The following RSBN1 variants were observed in gnomAD, a reference collection of about 807,000 sequenced individuals.
The protein encoded by RSBN1 is lysine-specific demethylase 9.
RSBN1 carries 23 observed loss-of-function variants against 74.8 expected under a neutral mutation model. The observed-to-expected ratio is 0.31, with a 90% CI of 0.22 to 0.44. The LOEUF is 0.44. Ranked by LOEUF, RSBN1 falls within the 20% of genes least tolerant of loss-of-function variation. The probability of loss-of-function intolerance (pLI) is 1.00; values close to 1 mark genes in which losing one functional copy is unlikely to be tolerated. For synonymous variants in RSBN1, 407 were observed against 379.6 expected, an observed-to-expected ratio of 1.07 and a Z score of -0.84; for missense variants, 808 against 1,020.9, an observed-to-expected ratio of 0.79 and a Z score of 2.84.
At chr1:113,810,267 G>A (rs887758541) in intron 1 of RSBN1, among the ~76,000 whole-genome samples, 6 of 152,098 alleles carry the variant, frequency 3.9e-5, no homozygotes, top group Admixed American at 2.6e-4. Context: ...CACTTCATGC[G>A]AATTAACTGT....
In RSBN1 at chr1:113,765,631, A is replaced by T. The variant is rs1659763239; in HGVS notation, c.*349T>A. 2 of 197,310 alleles carry T rather than the reference A, an allele frequency of 1.0e-5. No homozygotes were observed. Among genetic ancestry groups the T allele is most frequent in the Admixed American group, 1.0e-4 (2 of 19,098 alleles). The allele number at this position is 197,310 out of a possible 1,614,324, so 12.2% of individuals were successfully genotyped here. On this transcript the variant is annotated 3_prime_UTR_variant, in exon 7 of 7. Transcript: ENST00000261441. ...ATAAAAACAGCAAATATGGCAAGAG[A>T]CAAGGCAAGATAAAATTAAGGGAAG... is the stretch of plus-strand genomic sequence containing the variant.
chr1:113,798,770 T>G (rs573440986), intron 1 of RSBN1, among the ~76,000 whole-genome samples: 7 of 152,328 alleles, frequency 4.6e-5, no homozygotes, highest in African/African-American at 1.4e-4. Flanking sequence ...CAGGGAATGC[T>G]CCTAAATGTC....
intron 2 of RSBN1, 136 bp downstream of exon 2, chr1:113,797,227 G>T: frequency 1.4e-6 from 1 of 717,478 alleles, no homozygotes; most frequent in Non-Finnish European, 2.3e-6. Flanking sequence ...ATTAGAGGAA[G>T]AGACAAACAA....
chr1:113,805,877 CT>C (rs780721227), intron 1 of RSBN1, among the ~76,000 whole-genome samples: 121 of 152,286 alleles, frequency 7.9e-4, no homozygotes, highest in Non-Finnish European at 1.0e-3. Flanking sequence ...CTTTGCAGGT[CT>C]TATGGTCTCT....
At chr1:113,811,157 G>A (rs1660834154) in intron 1 of RSBN1, among the ~76,000 whole-genome samples, 1 of 152,156 alleles carries the variant, frequency 6.6e-6, no homozygotes, top group Non-Finnish European at 1.5e-5. Flanking sequence ...TAGCTAATAT[G>A]AAAACTTTAA....
In RSBN1 at chr1:113,764,615, A is replaced by AT. The variant is rs533547691; in HGVS notation, c.*1364dup. On this transcript the variant is annotated 3_prime_UTR_variant, in exon 7 of 7. Transcript: ENST00000261441. Reference sequence around the variant, plus strand: ...CAGACATAATAAAGCAGCATCTTGTATTTTTTTTTTTTTTTGCCTATGTTA... The same window carrying AT: ...CAGACATAATAAAGCAGCATCTTGTATTTTTTTTTTTTTTTTGCCTATGTTA... 39,235 of 132,970 alleles carry AT rather than the reference A, an allele frequency of 0.3. 5,916 individuals are homozygous for AT. Among genetic ancestry groups the AT allele is most frequent in the African/African-American group, 0.38 (13,760 of 36,550 alleles). 8.2% of individuals were successfully genotyped at this position (132,970 alleles called of 1,614,324 possible). A position where few individuals can be genotyped will look rare whatever the true frequency, so the allele number is the denominator to read the frequency against.
rs1660498340 is a variant in RSBN1, at chr1:113,797,686, T to C, written c.1054A>G (p.Thr352Ala). Residue 352 changes from threonine (T) to alanine (A), a missense_variant, in exon 2 of 7, where the codon ACA (threonine) becomes GCA (alanine). By Grantham distance (58) the Thr-to-Ala change is moderately conservative (BLOSUM62 0). Around this residue, in one of 6 missense-constraint regions of RSBN1, gnomAD observed 85 missense variants for 126.2 expected, o/e 0.67. Coordinates refer to ENST00000261441, the MANE Select transcript of RSBN1 (RefSeq NM_018364.5). ...ATAAAGTTGCTAAATTTAGTACCTG[T>C]TTTTAAGAAATTTCTACGAATAGAA... ...EHSIRRNFLK[T>A]GTKFSNFIHE... 1.9e-6 allele frequency: 3 copies of C among 1,614,110 alleles called. No homozygotes were observed. Among genetic ancestry groups the C allele is most frequent in the East Asian group, 4.5e-5 (2 of 44,884 alleles).
chr1:113,803,657 G>A lies in RSBN1; in HGVS notation c.704-5621C>T, dbSNP rs573429498. 1.8e-4 allele frequency among the ~76,000 whole-genome samples: 27 copies of A among 152,240 alleles called. 1 individual carries two copies. The highest frequency in any genetic ancestry group is 2.1e-4 in the South Asian group (1 of 4,820). The stretch of plus-strand genomic sequence containing the variant: ...ATAACTACTATTATTGCCAAAAACA[G>A]TTGAATTCTAGAGGCAGTAGAGTGT... On this transcript the variant is annotated intron_variant, in intron 1 of 6. Transcript: ENST00000261441.
chr1:113,767,935 C>G (rs891241968), intron 5 of RSBN1: 2 of 240,266 alleles, frequency 8.3e-6, no homozygotes, highest in Non-Finnish European at 1.6e-5. Context: ...TTCATAGAAA[C>G]AAAGTAGAAT....
At chr1:113,777,589 A>T in intron 3 of RSBN1, 82 bp downstream of exon 3, 1 of 1,299,080 alleles carries the variant, frequency 7.7e-7, no homozygotes, top group Non-Finnish European at 1.1e-6. Context: ...TTCAATAGGC[A>T]ATATTAGCTA....
intron 2 of RSBN1, among the ~76,000 whole-genome samples, chr1:113,787,602 A>G (rs1410940538): frequency 6.6e-6 from 1 of 152,176 alleles, no homozygotes; most frequent in Non-Finnish European, 1.5e-5. Flanking sequence ...CAAGGATACA[A>G]GGCACAAGCA....
chr1:113,761,903 T>C lies in RSBN1; in HGVS notation c.*4077A>G, dbSNP rs1180364409. On this transcript the variant is annotated 3_prime_UTR_variant, in exon 7 of 7. Transcript: ENST00000261441. ...AAAAAAAAAACTATGCATTCCATTG[T>C]CCTATTTTACAAAGAAATAGCTTAA... 1 of 152,668 alleles carries C rather than the reference T, an allele frequency of 6.6e-6. No individual in the cohort carries two copies. The highest frequency in any genetic ancestry group is 1.5e-5 in the Non-Finnish European group (1 of 68,002). 9.5% of individuals were successfully genotyped at this position (152,668 alleles called of 1,614,324 possible). A position where few individuals can be genotyped will look rare whatever the true frequency, so the allele number is the denominator to read the frequency against.
rs145584849 is a variant in RSBN1, at chr1:113,796,651, T to C, written c.1377+712A>G. Among the ~76,000 whole-genome samples, 48 of 152,306 alleles carry C rather than the reference T, an allele frequency of 3.2e-4. 1 individual carries two copies. The highest frequency in any genetic ancestry group is 1.2e-4 in the Non-Finnish European group (8 of 68,024). ...ACTGCAGAAACTTATAGCTGACCAT[T>C]TATATTCAATTCTTACGAGAAAAGC... On this transcript the variant is annotated intron_variant, in intron 2 of 6. Coordinates refer to ENST00000261441, the MANE Select transcript of RSBN1 (RefSeq NM_018364.5).
intron 2 of RSBN1, among the ~76,000 whole-genome samples, chr1:113,786,584 T>C (rs1660248358): frequency 6.6e-6 from 1 of 152,150 alleles, no homozygotes; most frequent in Non-Finnish European, 1.5e-5. Flanking sequence ...AGCTAGGAAA[T>C]GTAAGACACA....
chr1:113,770,613 T>C (rs905407170), intron 4 of RSBN1, among the ~76,000 whole-genome samples: 12 of 152,224 alleles, frequency 7.9e-5, no homozygotes, highest in African/African-American at 2.7e-4. Context: ...TCCATTTCTA[T>C]GCCTGTTCAC....
Position 113,812,248 on chromosome 1 carries a change from C to A in RSBN1, c.165G>T (p.Ala55=), listed in dbSNP as rs1228373118. ...CCGCCACCGCCCGTACTACGCGCAC[C>A]GCTCCGACCTGCGCAGCCATTTCAC... ...FVGEMAAQVG[A]VRVVRAVAAQ... is the part of the protein sequence containing the mutation. Residue 55 remains alanine (A), a synonymous_variant, in exon 1 of 7, where the codon GCG becomes GCT. Coordinates refer to ENST00000261441, the MANE Select transcript of RSBN1 (RefSeq NM_018364.5). The A allele has an allele frequency of 6.2e-7, 1 of 1,606,290 alleles. No homozygotes were observed. The highest frequency in any genetic ancestry group is 8.5e-7 in the Non-Finnish European group (1 of 1,179,862).
chr1:113,771,920 A>G (rs541831379), intron 4 of RSBN1, among the ~76,000 whole-genome samples: 131 of 151,956 alleles, frequency 8.6e-4, no homozygotes, highest in Middle Eastern at 6.8e-3. Flanking sequence ...CAGGAAAAAC[A>G]AGACTTTTTT....
In RSBN1 at chr1:113,763,731, G is replaced by C. The variant is rs891100352; in HGVS notation, c.*2249C>G. ...TTTAATGTGTTTATATTGGAGGTGA[G>C]GGTAGAATGTTTTATAAAAGGAAAA... On this transcript the variant is annotated 3_prime_UTR_variant, in exon 7 of 7. Coordinates refer to ENST00000261441, the MANE Select transcript of RSBN1 (RefSeq NM_018364.5). 6.8e-6 allele frequency: 1 copy of C among 147,488 alleles called. No homozygotes were observed. Among genetic ancestry groups the C allele is most frequent in the Non-Finnish European group, 1.5e-5 (1 of 66,610 alleles). The allele number at this position is 147,488 out of a possible 1,614,324, so 9.1% of individuals were successfully genotyped here.
In RSBN1 at chr1:113,812,200, C is replaced by T. The variant is rs1558007724; in HGVS notation, c.213G>A (p.Glu71=). ...AVAAQEEPDK[E]GKEKPHAGVS... ...CCCCAGCATGAGGTTTCTCCTTCCCCTCTTTGTCCGGCTCCTCCTGCGCCG... is the reference window on the plus strand; with the variant it reads ...CCCCAGCATGAGGTTTCTCCTTCCCTTCTTTGTCCGGCTCCTCCTGCGCCG... The change falls in exon 1 of 7, where the codon GAG becomes GAA. Residue 71 remains glutamate (E), a synonymous_variant. Transcript: ENST00000261441. The T allele has an allele frequency of 1.2e-6, 2 of 1,608,396 alleles. No homozygotes were observed. Among genetic ancestry groups the T allele is most frequent in the African/African-American group, 1.3e-5 (1 of 75,032 alleles).
Sources: gnomAD v4.1 joint callset for allele counts (sites outside exome capture counted in the v4.1 genomes callset) on GRCh38, gnomAD v4.1.1 for gene constraint, gnomAD v4.1.1 regional missense constraint, MANE v1.5 for transcripts, NCBI Gene and HGNC (gene_info 2026-07-23, HGNC 2026-07-21) for gene names.